The following CLEC4C variants were observed in gnomAD, a reference collection of about 807,000 sequenced individuals.
CLEC4C encodes C-type lectin domain family 4 member C.
Under a neutral mutation model 27.7 loss-of-function variants are expected in CLEC4C, and 17 were observed. The observed-to-expected ratio is 0.61, with a 90% CI of 0.42 to 0.92. CLEC4C has a LOEUF of 0.92. Ranked by LOEUF, CLEC4C falls within the 40% of genes least tolerant of loss-of-function variation. The pLI is 0.00. For missense variants in CLEC4C, 244 were observed against 257.3 expected (o/e 0.95, Z 0.35); for synonymous variants, 80 against 80.8 (o/e 0.99, Z 0.06).
upstream of CLEC4C, chr12:7,747,629 TGTC>T (rs1345197871): frequency 5.1e-5 from 15 of 291,294 alleles, no homozygotes; most frequent in African/African-American, 2.3e-4. Context: ...CAGGTCTGAT[TGTC>T]TTTTTTTTTT....
At chr12:7,746,213 CAAAAA>C in intron 2 of CLEC4C, 113 bp downstream of exon 2, 196 of 411,274 alleles carry the variant, frequency 4.8e-4, no homozygotes, top group East Asian at 7.4e-4. Flanking sequence ...GATTCCGTCT[CAAAAA>C]AAAAAAAAAA....
intron 3 of CLEC4C, among the ~76,000 whole-genome samples, chr12:7,737,900 T>C (rs938805910): frequency 6.6e-6 from 1 of 151,970 alleles, no homozygotes; most frequent in African/African-American, 2.4e-5. Context: ...AAAAAGAACA[T>C]GAGTATGGCA....
At position 7,747,216 on chromosome 12, in the gene CLEC4C, G is replaced by T; in HGVS notation, c.31+102C>A. Reference sequence around the variant, plus strand: ...AAATTACTATTATTTATGAAAAGCTGTCTACTTCTTCTTCCAAAGTCATCC... The same window carrying T: ...AAATTACTATTATTTATGAAAAGCTTTCTACTTCTTCTTCCAAAGTCATCC... On this transcript the variant is annotated intron_variant, in intron 1 of 5. Coordinates refer to ENST00000360345, the MANE Select transcript of CLEC4C (RefSeq NM_001371390.1). 1.0e-5 allele frequency: 10 copies of T among 975,258 alleles called. No individual in the cohort carries two copies. The South Asian group carries it at 1.2e-4, about 11-fold the overall frequency. 60.4% of individuals were successfully genotyped at this position (975,258 alleles called of 1,614,324 possible).
intron 2 of CLEC4C, among the ~76,000 whole-genome samples, chr12:7,742,729 C>T (rs1423942508): frequency 2.6e-5 from 4 of 151,424 alleles, no homozygotes; most frequent in Non-Finnish European, 5.9e-5. Flanking sequence ...AGAATCACTT[C>T]GACCTGGGAG....
chr12:7,740,628 G>C (rs1864830906), intron 3 of CLEC4C, among the ~76,000 whole-genome samples: 1 of 151,708 alleles, frequency 6.6e-6, no homozygotes, highest in African/African-American at 2.4e-5. Context: ...TTGAACCTGG[G>C]AGGCAGAGGT....
At position 7,729,578 on chromosome 12, in the gene CLEC4C, C is replaced by T; in HGVS notation, c.*18G>A. On this transcript the variant is annotated 3_prime_UTR_variant, in exon 6 of 6. Coordinates refer to ENST00000360345, the MANE Select transcript of CLEC4C (RefSeq NM_001371390.1). ...GGTGGATGCCAACCCAAACACATTT[C>T]CAGGGAGAATATTTCATTTATATGT... The T allele has an allele frequency of 6.2e-7, 1 of 1,610,204 alleles. No individual in the cohort carries two copies. The highest frequency in any genetic ancestry group is 8.5e-7 in the Non-Finnish European group (1 of 1,177,890).
intron 4 of CLEC4C, among the ~76,000 whole-genome samples, chr12:7,733,671 C>A (rs979401631): frequency 6.6e-6 from 1 of 150,992 alleles, no homozygotes; most frequent in Non-Finnish European, 1.5e-5. Flanking sequence ...TTAGTAGAGA[C>A]GGGGTTTCAC....
intron 2 of CLEC4C, among the ~76,000 whole-genome samples, chr12:7,742,135 G>A (rs1384237778): frequency 1.3e-5 from 2 of 152,002 alleles, no homozygotes; most frequent in Admixed American, 6.6e-5. Flanking sequence ...AGCCGAGATC[G>A]TGCCATTGCA....
At chr12:7,738,425 C>T (rs960214126) in intron 3 of CLEC4C, among the ~76,000 whole-genome samples, 1 of 152,170 alleles carries the variant, frequency 6.6e-6, no homozygotes, top group Non-Finnish European at 1.5e-5. Context: ...TATACATTCC[C>T]TCTAACAAAC....
chr12:7,737,578 C>T lies in CLEC4C; in HGVS notation c.236-4G>A, dbSNP rs761540827. 1.2e-6 allele frequency: 2 copies of T among 1,611,474 alleles called. No homozygotes were observed. The highest frequency in any genetic ancestry group is 2.2e-5 in the South Asian group (2 of 90,758). On this transcript the variant is annotated splice_region_variant and splice_polypyrimidine_tract_variant and intron_variant, in intron 3 of 5. Coordinates refer to ENST00000360345, the MANE Select transcript of CLEC4C (RefSeq NM_001371390.1). ...GGGGTTGGGCAGCAGCTCCAATCTTCCCAAATGAGTATAGAAGAAGAAAAA... is the reference window on the plus strand; with the variant it reads ...GGGGTTGGGCAGCAGCTCCAATCTTTCCAAATGAGTATAGAAGAAGAAAAA...
rs140956970 is a variant in CLEC4C at position 7,745,424 on chromosome 12, C to CTTTTTT, written c.124+901_124+906dup. 1.5e-4 allele frequency among the ~76,000 whole-genome samples: 7 copies of CTTTTTT among 48,180 alleles called. 2 individuals carry two copies. The highest frequency in any genetic ancestry group is 2.6e-4 in the African/African-American group (3 of 11,336). The allele number at this position is 48,180 out of a possible 152,430, so 31.6% of individuals were successfully genotyped here. A position where few individuals can be genotyped will look rare whatever the true frequency, so the allele number is the denominator to read the frequency against. On this transcript the variant is annotated intron_variant, in intron 2 of 5. Coordinates refer to ENST00000360345, the MANE Select transcript of CLEC4C (RefSeq NM_001371390.1). The stretch of plus-strand genomic sequence containing the variant: ...TGTTTTTTAACTCACTCAGTCTATG[C>CTTTTTT]TTTTTTTTTTTTTTTTTTTTTTTTT...
intron 2 of CLEC4C, among the ~76,000 whole-genome samples, chr12:7,745,381 C>G (rs1864948536): frequency 6.8e-6 from 1 of 147,682 alleles, no homozygotes. Flanking sequence ...CCTCCAGAAC[C>G]ATCAGAAAAT....
At chr12:7,739,592 G>A (rs774544985) in intron 3 of CLEC4C, among the ~76,000 whole-genome samples, 1 of 152,204 alleles carries the variant, frequency 6.6e-6, no homozygotes, top group East Asian at 1.9e-4. Flanking sequence ...AGGTGAGTAG[G>A]CCTGGACTAG....
In CLEC4C at chr12:7,730,897, T is replaced by G; in HGVS notation, c.397A>C (p.Asn133His). ...AAATAAGAAGAATTTCTTTTCAGAT[T>G]CTGAATGATGAAATCCTGAGGGAAG... ...TREEQDFIIQ[N>H]LKRNSSYFLG... Residue 133 changes from asparagine to histidine, a missense_variant, in exon 5 of 6, where the codon AAT becomes CAT. Transcript: ENST00000360345. The G allele has an allele frequency of 6.3e-7, 1 of 1,590,384 alleles. No individual in the cohort carries two copies. Among genetic ancestry groups the G allele is most frequent in the East Asian group, 2.2e-5 (1 of 44,662 alleles).
In CLEC4C at chr12:7,739,406, T is replaced by C. The variant is rs146723391; in HGVS notation, c.236-1832A>G. On this transcript the variant is annotated intron_variant, in intron 3 of 5. Transcript: ENST00000360345. The stretch of plus-strand genomic sequence containing the variant: ...GATTACAGGGGTGAGCCACCGCGCC[T>C]GGCCTGTTTCATTCTTGAAATAATT... 4.7e-3 allele frequency among the ~76,000 whole-genome samples: 710 copies of C among 152,048 alleles called. 4 individuals carry two copies. The highest frequency in any genetic ancestry group is 0.016 in the African/African-American group (673 of 41,482).
At chr12:7,737,623 C>G (rs1321749379) in intron 3 of CLEC4C, 49 bp from the exon 4 acceptor site, 7 of 1,553,766 alleles carry the variant, frequency 4.5e-6, no homozygotes, top group Non-Finnish European at 6.1e-6. Flanking sequence ...GAGAATTCTC[C>G]TCACATAAAG....
intron 2 of CLEC4C, 42 bp downstream of exon 2, chr12:7,746,289 G>A: frequency 8.9e-7 from 1 of 1,120,976 alleles, no homozygotes; most frequent in Non-Finnish European, 1.3e-6. Context: ...ATGTGATTGG[G>A]AAAAGGACCA....
rs867782925 is a variant in CLEC4C, at chr12:7,730,912, C to G, written c.382G>C (p.Asp128His). The stretch of plus-strand genomic sequence containing the variant: ...CTTTTCAGATTCTGAATGATGAAAT[C>G]CTGAGGGAAGAAAATGGAAGAGTCA... ...LVVINTREEQ[D>H]FIIQNLKRNS... The change falls in exon 5 of 6, where the codon GAT becomes CAT. Residue 128 changes from aspartate to histidine, a missense_variant and splice_region_variant. Coordinates refer to ENST00000360345, the MANE Select transcript of CLEC4C (RefSeq NM_001371390.1). 4 of 1,514,726 alleles carry G rather than the reference C, an allele frequency of 2.6e-6. No homozygotes were observed. In the Admixed American group the frequency reaches 6.7e-5, roughly 25 times the overall value. The allele number at this position is 1,514,726 out of a possible 1,614,324, so 93.8% of individuals were successfully genotyped here. A position where few individuals can be genotyped will look rare whatever the true frequency, so the allele number is the denominator to read the frequency against.
chr12:7,739,584 G>C (rs911905747), intron 3 of CLEC4C, among the ~76,000 whole-genome samples: 1 of 152,160 alleles, frequency 6.6e-6, no homozygotes, highest in East Asian at 1.9e-4. Context: ...CCCTGAGGAG[G>C]TGAGTAGGCC....
Sources: allele counts gnomAD v4.1 joint callset (sites outside exome capture counted in the v4.1 genomes callset), GRCh38; gene constraint gnomAD v4.1.1; transcripts MANE v1.5; gene names NCBI Gene and HGNC (gene_info 2026-07-23, HGNC 2026-07-21).